TNRC6A: variants seen among roughly 807,000 people sequenced by gnomAD.
TNRC6A encodes trinucleotide repeat containing adaptor 6A.
TNRC6A carries 44 observed loss-of-function variants against 221.2 expected under a neutral mutation model. The observed-to-expected ratio is 0.20, with a 90% CI of 0.16 to 0.26. TNRC6A has a LOEUF of 0.26. TNRC6A is among the 10% of genes least tolerant of loss of function. The pLI is 1.00. For synonymous variants in TNRC6A, 847 were observed against 838.5 expected (o/e 1.01, Z -0.18); for missense variants, 2,199 against 2,404.4 (o/e 0.91, Z 1.79).
chr16:24,772,388 T>A (rs971899482), intron 4 of TNRC6A, among the ~76,000 whole-genome samples: 1 of 151,128 alleles, frequency 6.6e-6, no homozygotes, highest in African/African-American at 2.5e-5. Context: ...TGAAACAAGG[T>A]CTTGTTGTTG....
At chr16:24,780,927 C>T (rs1034705865) in intron 5 of TNRC6A, among the ~76,000 whole-genome samples, 2 of 151,932 alleles carry the variant, frequency 1.3e-5, no homozygotes, top group South Asian at 4.1e-4. Flanking sequence ...GCACGGTGTA[C>T]CTCCTTGCTG....
At chr16:24,660,895 C>G (rs894552824) in intron 2 of TNRC6A, among the ~76,000 whole-genome samples, 1 of 151,800 alleles carries the variant, frequency 6.6e-6, no homozygotes, top group Non-Finnish European at 1.5e-5. Context: ...GTGCCCGCCA[C>G]CACGCCAGGC....
At chr16:24,729,967 C>A in intron 1 of TNRC6A, 121 bp downstream of exon 1, 2 of 945,594 alleles carry the variant, frequency 2.1e-6, no homozygotes, top group Non-Finnish European at 2.7e-6. Context: ...CTTCGGGCCT[C>A]GGCGGGAGGG....
intron 2 of TNRC6A, among the ~76,000 whole-genome samples, chr16:24,651,937 A>C (rs1219749142): frequency 6.6e-6 from 1 of 151,036 alleles, no homozygotes; most frequent in East Asian, 1.9e-4. Flanking sequence ...CCTCTCTAAA[A>C]AAAAAAAAAA....
chr16:24,679,110 T>G (rs530058458), intron 2 of TNRC6A, among the ~76,000 whole-genome samples: 6 of 149,756 alleles, frequency 4.0e-5, no homozygotes, highest in Non-Finnish European at 8.9e-5. Flanking sequence ...GCAATTCTCC[T>G]GCCTCAGCCT....
intron 1 of TNRC6A, among the ~76,000 whole-genome samples, chr16:24,638,245 C>T (rs1901742776): frequency 6.6e-6 from 1 of 151,810 alleles, no homozygotes; most frequent in African/African-American, 2.4e-5. Context: ...TAGTGAGACC[C>T]CATCTCTACC....
At chr16:24,632,343 C>A (rs1302669159) in intron 1 of TNRC6A, among the ~76,000 whole-genome samples, 1 of 152,144 alleles carries the variant, frequency 6.6e-6, no homozygotes, top group East Asian at 1.9e-4. Flanking sequence ...CCTCCAATAT[C>A]TTTCCCAACT....
intron 2 of TNRC6A, among the ~76,000 whole-genome samples, chr16:24,738,446 C>T (rs1015999440): frequency 6.6e-6 from 1 of 152,072 alleles, no homozygotes; most frequent in African/African-American, 2.4e-5. Context: ...GCAGCCACTC[C>T]CCATTTGTCC....
chr16:24,783,595 G>A (rs963000816), intron 5 of TNRC6A, among the ~76,000 whole-genome samples: 1 of 152,014 alleles, frequency 6.6e-6, no homozygotes, highest in South Asian at 2.1e-4. Context: ...ATGAAAGTAG[G>A]ATGTTAATGA....
In TNRC6A at chr16:24,794,634, A is replaced by C; in HGVS notation, c.3443A>C (p.Glu1148Ala). ...GGCTGGGAAGAGGAAGAGGATGTGGAGATTGGAATGTGGAATAGTAATTCA... is the reference window on the plus strand; with the variant it reads ...GGCTGGGAAGAGGAAGAGGATGTGGCGATTGGAATGTGGAATAGTAATTCA... ...PTGWEEEEDVEIGMWNSNSSQ... is the reference protein window; with the variant it reads ...PTGWEEEEDVAIGMWNSNSSQ... The change falls in exon 8 of 25, where the codon GAG becomes GCG. Residue 1148 changes from glutamate (E) to alanine (A), a missense_variant. Coordinates refer to ENST00000395799, the MANE Select transcript of TNRC6A (RefSeq NM_014494.4). 1 of 1,614,074 alleles carries C rather than the reference A, an allele frequency of 6.2e-7. No individual in the cohort carries two copies. The highest frequency in any genetic ancestry group is 8.5e-7 in the Non-Finnish European group (1 of 1,179,980).
chr16:24,766,324 A>C (rs1375982789), intron 4 of TNRC6A, among the ~76,000 whole-genome samples: 3 of 152,216 alleles, frequency 2.0e-5, no homozygotes, highest in African/African-American at 4.8e-5. Context: ...GAATAAAGAG[A>C]TAACAGATAC....
chr16:24,626,004 C>T (rs1271312927), intron 1 of TNRC6A, among the ~76,000 whole-genome samples: 1 of 152,144 alleles, frequency 6.6e-6, no homozygotes, highest in Admixed American at 6.6e-5. Context: ...ACTCTGGACA[C>T]CAATAGTTTC....
At chr16:24,736,860 TA>T (rs2056780621) in intron 2 of TNRC6A, among the ~76,000 whole-genome samples, 2 of 152,364 alleles carry the variant, frequency 1.3e-5, no homozygotes, top group Admixed American at 1.3e-4. Flanking sequence ...TCTTTGTATT[TA>T]AATCGATCAG....
At position 24,643,091 on chromosome 16, in the gene TNRC6A, ATT is replaced by A. The variant is rs1299837340; in HGVS notation, n.402+2085_402+2086del. ...TATTATATATATATTATATATATAT[ATT>A]TTATATATATATATAAAATATATAT... On this transcript the variant is annotated intron_variant and non_coding_transcript_variant, in intron 2 of 2. Transcript: ENST00000566108. 2.9e-5 allele frequency among the ~76,000 whole-genome samples: 4 copies of A among 136,146 alleles called. No homozygotes were observed. The East Asian group carries it at 6.2e-4, about 21-fold the overall frequency. 89.3% of individuals were successfully genotyped at this position (136,146 alleles called of 152,430 possible). A position where few individuals can be genotyped will look rare whatever the true frequency, so the allele number is the denominator to read the frequency against.
intron 5 of TNRC6A, 92 bp downstream of exon 5, chr16:24,777,450 G>A (rs2057750241): frequency 2.5e-6 from 3 of 1,222,338 alleles, no homozygotes; most frequent in Admixed American, 2.1e-5. Context: ...TGATGTATTT[G>A]TATTCATCAG....
At chr16:24,794,788 C>G (rs2058184122) in intron 8 of TNRC6A, 69 bp downstream of exon 8, 1 of 1,489,354 alleles carries the variant, frequency 6.7e-7, no homozygotes, top group Non-Finnish European at 9.0e-7. Context: ...AGAAAATTAA[C>G]TTTTCGCCTG....
rs1252905960 is a variant in TNRC6A, at chr16:24,620,960, T to C, written n.276+10476T>C. Among the ~76,000 whole-genome samples the C allele has an allele frequency of 4.0e-5, 6 of 151,550 alleles. No homozygotes were observed. In the East Asian group the frequency reaches 1.2e-3, roughly 30 times the overall value. ...TTAGCTGGGCATGGTGGTGGGTGCC[T>C]GTAGTCCCAGCTACTTGGGAGGCTG... is the stretch of plus-strand genomic sequence containing the variant. On this transcript the variant is annotated intron_variant and non_coding_transcript_variant, in intron 1 of 2. Coordinates refer to the TNRC6A transcript ENST00000566108.
At chr16:24,636,638 G>C (rs1596567979) in intron 1 of TNRC6A, among the ~76,000 whole-genome samples, 2 of 152,120 alleles carry the variant, frequency 1.3e-5, no homozygotes, top group Non-Finnish European at 2.9e-5. Context: ...ATTACAGGTA[G>C]AGCCACTAAG....
intron 14 of TNRC6A, 74 bp from the exon 15 acceptor site, chr16:24,805,531 C>A: frequency 1.3e-6 from 2 of 1,575,180 alleles, no homozygotes; most frequent in Non-Finnish European, 1.7e-6. Flanking sequence ...CTATTGACAA[C>A]TGAAAACACA....
Sources: allele counts gnomAD v4.1 joint callset (sites outside exome capture counted in the v4.1 genomes callset), GRCh38; gene constraint gnomAD v4.1.1; transcripts MANE v1.5; gene names NCBI Gene and HGNC (gene_info 2026-07-23, HGNC 2026-07-21).